Variants in AIF1 observed in about 807,000 individuals in gnomAD.
AIF1 encodes interferon gamma responsive transcript.
A neutral mutation model predicts 20.6 loss-of-function variants in AIF1; 21 were observed. The observed-to-expected ratio is 1.02, with a 90% CI of 0.72 to 1.47. AIF1 has a LOEUF of 1.47. AIF1 is among the 40% of genes most tolerant of loss of function. AIF1 has a pLI of 0.00. For missense variants in AIF1, 161 were observed against 170.5 expected, an observed-to-expected ratio of 0.94 and a Z score of 0.31; for synonymous variants, 52 against 65.8, an observed-to-expected ratio of 0.79 and a Z score of 1.01.
chr6:31,616,834 A>C lies in AIF1; in HGVS notation c.378A>C (p.Glu126Asp), dbSNP rs748101333. 6.2e-7 allele frequency: 1 copy of C among 1,614,174 alleles called. No homozygotes were observed. The change falls in exon 6 of 6, where the codon GAA becomes GAC. Residue 126 changes from glutamate (E) to aspartate (D), a missense_variant. Glu to Asp is a conservative substitution (Grantham distance 45, BLOSUM62 2). Coordinates refer to ENST00000376059, the MANE Select transcript of AIF1 (RefSeq NM_001623.5). This position sits in a 1 kb window ranked among gnomAD's most constrained non-coding sequence, Gnocchi z 4.0. ...CAACCAGGATCCTGATGTATGAGGA[A>C]AAAGCGAGAGAAAAGGAAAAGCCAA... ...AILKMILMYE[E>D]KAREKEKPTG...
At chr6:31,615,829 G>C in intron 3 of AIF1, 93 bp downstream of exon 3, 1 of 1,532,036 alleles carries the variant, frequency 6.5e-7, no homozygotes, top group Non-Finnish European at 8.8e-7. Context: ...GAGATAAAAA[G>C]TTTACTTTTG....
At position 31,616,863 on chromosome 6, in the gene AIF1, G is replaced by GC. The variant is rs1357217988; in HGVS notation, c.413dup (p.Ala139SerfsTer7). 5 of 1,614,116 alleles carry GC rather than the reference G, an allele frequency of 3.1e-6. No individual in the cohort carries two copies. The highest frequency in any genetic ancestry group is 2.2e-5 in the South Asian group (2 of 91,080). The stretch of plus-strand genomic sequence containing the variant: ...GCGAGAGAAAAGGAAAAGCCAACAG[G>GC]CCCCCCAGCCAAGAAAGCTATCTCT... On this transcript the variant is annotated frameshift_variant, in exon 6 of 6. Coordinates refer to ENST00000376059, the MANE Select transcript of AIF1 (RefSeq NM_001623.5). LOFTEE classifies it high-confidence loss of function. This position sits in a 1 kb window ranked among gnomAD's most constrained non-coding sequence, Gnocchi z 4.0.
chr6:31,615,491 G>A, intron 1 of AIF1, 30 bp from the exon 2 acceptor site: 1 of 1,613,836 alleles, frequency 6.2e-7, no homozygotes, highest in Non-Finnish European at 8.5e-7. Flanking sequence ...AGGGAGGGAT[G>A]AGGGCTGATT....
At position 31,616,238 on chromosome 6, in the gene AIF1, G is replaced by A; in HGVS notation, c.196+93G>A. 1 of 1,613,102 alleles carries A rather than the reference G, an allele frequency of 6.2e-7. No homozygotes were observed. ...ATGCTCCATTCCTCATGATTTGGGA[G>A]GGGGCCCACCTACCACAGTGGGAGG... On this transcript the variant is annotated intron_variant, in intron 4 of 5. Coordinates refer to ENST00000376059, the MANE Select transcript of AIF1 (RefSeq NM_001623.5). The surrounding 1 kb of genome is among the most constrained non-coding windows in gnomAD (Gnocchi z 4.0).
rs1774398246 is a variant in AIF1, at chr6:31,616,619, C to T, written c.359+113C>T. 6.0e-6 allele frequency: 9 copies of T among 1,500,666 alleles called. No individual in the cohort carries two copies. Among genetic ancestry groups the T allele is most frequent in the Non-Finnish European group, 8.0e-6 (9 of 1,124,762 alleles). The allele number at this position is 1,500,666 out of a possible 1,614,324, so 93.0% of individuals were successfully genotyped here. A position where few individuals can be genotyped will look rare whatever the true frequency, so the allele number is the denominator to read the frequency against. On this transcript the variant is annotated intron_variant, in intron 5 of 5. Transcript: ENST00000376059. The surrounding 1 kb of genome is among the most constrained non-coding windows in gnomAD (Gnocchi z 4.0). Reference sequence around the variant, plus strand: ...CGTTGCCCATCATCCCTTCTTCCATCCTTAGAGGGACCCTTCCAAGGTCCC... The same window carrying T: ...CGTTGCCCATCATCCCTTCTTCCATTCTTAGAGGGACCCTTCCAAGGTCCC...
chr6:31,615,322 G>A lies in AIF1; in HGVS notation c.-8G>A. The A allele has an allele frequency of 6.2e-7, 1 of 1,613,874 alleles. No individual in the cohort carries two copies. The highest frequency in any genetic ancestry group is 1.3e-5 in the African/African-American group (1 of 74,956). On this transcript the variant is annotated 5_prime_UTR_variant, in exon 1 of 6. Coordinates refer to ENST00000376059, the MANE Select transcript of AIF1 (RefSeq NM_001623.5). ...TGTCTCCCCACCTCTACCAGCATCTGCTGAGCTATGAGCCAAACCAGGGAT... is the reference window on the plus strand; with the variant it reads ...TGTCTCCCCACCTCTACCAGCATCTACTGAGCTATGAGCCAAACCAGGGAT...
chr6:31,616,859 A>G lies in AIF1; in HGVS notation c.403A>G (p.Thr135Ala). 1 of 1,614,214 alleles carries G rather than the reference A, an allele frequency of 6.2e-7. No individual in the cohort carries two copies. Among genetic ancestry groups the G allele is most frequent in the Non-Finnish European group, 8.5e-7 (1 of 1,180,032 alleles). Residue 135 changes from threonine to alanine, a missense_variant, in exon 6 of 6, where the codon ACA becomes GCA. Coordinates refer to ENST00000376059, the MANE Select transcript of AIF1 (RefSeq NM_001623.5). The surrounding 1 kb of genome is among the most constrained non-coding windows in gnomAD (Gnocchi z 4.0). ...EEKAREKEKPTGPPAKKAISE... is the reference protein window; with the variant it reads ...EEKAREKEKPAGPPAKKAISE... Reference sequence around the variant, plus strand: ...AAAAGCGAGAGAAAAGGAAAAGCCAACAGGCCCCCCAGCCAAGAAAGCTAT... The same window carrying G: ...AAAAGCGAGAGAAAAGGAAAAGCCAGCAGGCCCCCCAGCCAAGAAAGCTAT...
In AIF1 at chr6:31,615,246, A is replaced by G; in HGVS notation, c.-84A>G. 6.2e-7 allele frequency: 1 copy of G among 1,609,002 alleles called. No homozygotes were observed. Among genetic ancestry groups the G allele is most frequent in the South Asian group, 1.1e-5 (1 of 90,116 alleles). ...AAGTTTGGGAGGAAGGCTTCTGAGA[A>G]GACTGGTGGGAGAGAAGGAGAGCCT... On this transcript the variant is annotated 5_prime_UTR_variant, in exon 1 of 6. Coordinates refer to ENST00000376059, the MANE Select transcript of AIF1 (RefSeq NM_001623.5).
At position 31,615,808 on chromosome 6, in the gene AIF1, C is replaced by A. The variant is rs188903958; in HGVS notation, c.154+72C>A. ...GGTTAGGATTTCCACAAGAACAAGG[C>A]AGGAACAGCAGAGATAAAAAGTTTA... On this transcript the variant is annotated intron_variant, in intron 3 of 5. Coordinates refer to ENST00000376059, the MANE Select transcript of AIF1 (RefSeq NM_001623.5). The A allele has an allele frequency of 1.9e-6, 3 of 1,553,698 alleles. No individual in the cohort carries two copies. In the South Asian group the frequency reaches 3.5e-5, roughly 18 times the overall value.
Position 31,615,542 on chromosome 6 carries a change from T to C in AIF1, c.47T>C (p.Leu16Pro). Reference sequence around the variant, plus strand: ...ACAGGAGGAAAAGCTTTCGGACTGCTGAAGGCCCAGCAGGAAGAGAGGCTG... The same window carrying C: ...ACAGGAGGAAAAGCTTTCGGACTGCCGAAGGCCCAGCAGGAAGAGAGGCTG... ...DLQGGKAFGL[L>P]KAQQEERLDE... is the part of the protein sequence containing the mutation. The change falls in exon 2 of 6, where the codon CTG becomes CCG. Residue 16 changes from leucine (L) to proline (P), a missense_variant. By Grantham distance (98) the Leu-to-Pro change is moderately conservative. Transcript: ENST00000376059. 1 of 1,610,044 alleles carries C rather than the reference T, an allele frequency of 6.2e-7. No homozygotes were observed. The highest frequency in any genetic ancestry group is 8.5e-7 in the Non-Finnish European group (1 of 1,179,286).
Position 31,616,984 on chromosome 6 carries a change from T to C in AIF1, c.*84T>C. On this transcript the variant is annotated 3_prime_UTR_variant, in exon 6 of 6. Transcript: ENST00000376059. This position sits in a 1 kb window ranked among gnomAD's most constrained non-coding sequence, Gnocchi z 4.0. The stretch of plus-strand genomic sequence containing the variant: ...CAGAAGACAAAATTGTAAGCCAGAG[T>C]CAACAAATTAAATAAATTACCCCCT... 6.4e-7 allele frequency: 1 copy of C among 1,563,540 alleles called. No individual in the cohort carries two copies. Among genetic ancestry groups the C allele is most frequent in the African/African-American group, 1.4e-5 (1 of 73,228 alleles).
Position 31,616,234 on chromosome 6 carries a change from G to T in AIF1, c.196+89G>T. On this transcript the variant is annotated intron_variant, in intron 4 of 5. Coordinates refer to ENST00000376059, the MANE Select transcript of AIF1 (RefSeq NM_001623.5). The surrounding 1 kb of genome is among the most constrained non-coding windows in gnomAD (Gnocchi z 4.0). ...CTACATGCTCCATTCCTCATGATTT[G>T]GGAGGGGGCCCACCTACCACAGTGG... The T allele has an allele frequency of 6.2e-7, 1 of 1,613,116 alleles. No homozygotes were observed. The highest frequency in any genetic ancestry group is 8.5e-7 in the Non-Finnish European group (1 of 1,179,986).
chr6:31,615,360 GA>G lies in AIF1; in HGVS notation c.25+7del, dbSNP rs2150457285. The G allele has an allele frequency of 2.0e-6, 3 of 1,526,366 alleles. No homozygotes were observed. Among genetic ancestry groups the G allele is most frequent in the Non-Finnish European group, 2.7e-6 (3 of 1,101,910 alleles). The allele number at this position is 1,526,366 out of a possible 1,614,324, so 94.6% of individuals were successfully genotyped here. ...CCAAACCAGGGATTTACAGGGTAGG[GA>G]GGGTGGGATAGGCAGCGGCATTAGA... On this transcript the variant is annotated splice_region_variant and intron_variant, in intron 1 of 5. Coordinates refer to ENST00000376059, the MANE Select transcript of AIF1 (RefSeq NM_001623.5).
chr6:31,616,115 G>A lies in AIF1; in HGVS notation c.166G>A (p.Glu56Lys), dbSNP rs1774327533. The change falls in exon 4 of 6, where the codon GAG becomes AAG. Residue 56 changes from glutamate to lysine, a missense_variant. Glu to Lys is a moderately conservative substitution (Grantham distance 56, BLOSUM62 1). Coordinates refer to ENST00000376059, the MANE Select transcript of AIF1 (RefSeq NM_001623.5). This position sits in a 1 kb window ranked among gnomAD's most constrained non-coding sequence, Gnocchi z 4.0. ...CTCCCCTCACCCAGAGAAATACATG[G>A]AGTTTGACCTTAATGGAAATGGCGA... ...KLEGFKEKYM[E>K]FDLNGNGDID... 2 of 1,596,418 alleles carry A rather than the reference G, an allele frequency of 1.3e-6. No homozygotes were observed. The highest frequency in any genetic ancestry group is 1.7e-6 in the Non-Finnish European group (2 of 1,170,436).
rs764628384 is a variant in AIF1 at position 31,616,078 on chromosome 6, C to T, written c.155-26C>T. The T allele has an allele frequency of 5.2e-6, 8 of 1,550,346 alleles. No individual in the cohort carries two copies. The South Asian group carries it at 8.7e-5, about 17-fold the overall frequency. On this transcript the variant is annotated intron_variant, in intron 3 of 5. Transcript: ENST00000376059. This position sits in a 1 kb window ranked among gnomAD's most constrained non-coding sequence, Gnocchi z 4.0. ...TGAAAACCCTCCAGTCAGCGCTTAT[C>T]CCTTCTGCTCTCTCCCCTCACCCAG...
rs369030662 is a variant in AIF1 at position 31,615,279 on chromosome 6, G to C, written c.-51G>C. 2 of 1,613,572 alleles carry C rather than the reference G, an allele frequency of 1.2e-6. No individual in the cohort carries two copies. The highest frequency in any genetic ancestry group is 1.7e-6 in the Non-Finnish European group (2 of 1,179,862). On this transcript the variant is annotated 5_prime_UTR_variant, in exon 1 of 6. Coordinates refer to ENST00000376059, the MANE Select transcript of AIF1 (RefSeq NM_001623.5). ...GGGAGAGAAGGAGAGCCTGCAGACA[G>C]AGGCCTCCAGCTTGGTCTGTCTCCC...
chr6:31,616,128 A>G lies in AIF1; in HGVS notation c.179A>G (p.Asn60Ser), dbSNP rs1482064144. The G allele has an allele frequency of 6.2e-7, 1 of 1,604,104 alleles. No homozygotes were observed. Among genetic ancestry groups the G allele is most frequent in the Non-Finnish European group, 8.5e-7 (1 of 1,174,774 alleles). Residue 60 changes from asparagine (N) to serine (S), a missense_variant, in exon 4 of 6, where the codon AAT becomes AGT. Coordinates refer to ENST00000376059, the MANE Select transcript of AIF1 (RefSeq NM_001623.5). This position sits in a 1 kb window ranked among gnomAD's most constrained non-coding sequence, Gnocchi z 4.0. ...GAGAAATACATGGAGTTTGACCTTA[A>G]TGGAAATGGCGATATTGGTGAGAAA... ...FKEKYMEFDLNGNGDIDIMSL... is the reference protein window; with the variant it reads ...FKEKYMEFDLSGNGDIDIMSL...
chr6:31,616,321 C>T lies in AIF1; in HGVS notation c.197-23C>T, dbSNP rs760976029. The T allele has an allele frequency of 1.2e-6, 2 of 1,612,948 alleles. No homozygotes were observed. The highest frequency in any genetic ancestry group is 1.7e-6 in the Non-Finnish European group (2 of 1,179,996). ...GAGAGAGGGTCTCCCCACCTTCTCC[C>T]CATCCCCATCCTCTGCCCCCAGATA... On this transcript the variant is annotated intron_variant, in intron 4 of 5. Transcript: ENST00000376059. This position sits in a 1 kb window ranked among gnomAD's most constrained non-coding sequence, Gnocchi z 4.0.
chr6:31,615,401 T>G, intron 1 of AIF1, 47 bp downstream of exon 1: 2 of 1,613,194 alleles, frequency 1.2e-6, no homozygotes, highest in Non-Finnish European at 1.7e-6. Flanking sequence ...AGGAATGAGA[T>G]GGACAGACCT....
Sources: allele counts gnomAD v4.1 joint callset, GRCh38; gene constraint gnomAD v4.1.1; non-coding constraint Gnocchi (gnomAD v3.1); transcripts MANE v1.5; gene names NCBI Gene and HGNC (gene_info 2026-07-23, HGNC 2026-07-21).